IL3RA: variants seen among roughly 807,000 people sequenced by gnomAD.
IL3RA encodes the protein interleukin 3 receptor subunit alpha.
Under a neutral mutation model 52.3 loss-of-function variants are expected in IL3RA, and 73 were observed. The ratio of observed to expected loss-of-function variants is 1.40; its 90% CI spans 1.16 to 1.70. IL3RA has a LOEUF of 1.70. Among genes scored for constraint, IL3RA ranks in the 40% most tolerant of loss-of-function variants. The pLI is 0.00. For synonymous variants in IL3RA, 260 were observed against 194.0 expected (o/e 1.34, Z -2.83); for missense variants, 664 against 504.4 (o/e 1.32, Z -3.03).
chrX:1,345,909 A>T (rs2085721540), intron 3 of IL3RA, among the ~76,000 whole-genome samples: 1 of 151,904 alleles, frequency 6.6e-6, no homozygotes, highest in South Asian at 2.1e-4. Flanking sequence ...CAGGTGTGGG[A>T]TTTGAAGTGA....
intron 1 of IL3RA, among the ~76,000 whole-genome samples, chrX:1,337,488 C>G (rs1289015787): frequency 6.6e-6 from 1 of 152,142 alleles, no homozygotes; most frequent in Non-Finnish European, 1.5e-5. Flanking sequence ...TCACAGTAGC[C>G]AAGAGGTGGA....
chrX:1,351,389 C>G (rs112075911), intron 4 of IL3RA, among the ~76,000 whole-genome samples: 1 of 151,932 alleles, frequency 6.6e-6, no homozygotes, highest in East Asian at 1.9e-4. Context: ...AGTGCAGTGA[C>G]GTGGCCTGGG....
At position 1,382,591 on chromosome X, in the gene IL3RA, T is replaced by G; in HGVS notation, c.*126T>G. The G allele has an allele frequency of 1.2e-6, 1 of 829,404 alleles. No homozygotes were observed. Among genetic ancestry groups the G allele is most frequent in the Non-Finnish European group, 2.1e-6 (1 of 477,998 alleles). 51.4% of individuals were successfully genotyped at this position (829,404 alleles called of 1,614,324 possible). On this transcript the variant is annotated 3_prime_UTR_variant, in exon 12 of 12. Coordinates refer to ENST00000331035, the MANE Select transcript of IL3RA (RefSeq NM_002183.4). ...GGACATTCCTAACGGGTGGTGGGCATGGGAGATGCCTGTGTAATTTCGTCC... is the reference window on the plus strand; with the variant it reads ...GGACATTCCTAACGGGTGGTGGGCAGGGGAGATGCCTGTGTAATTTCGTCC...
chrX:1,352,068 A>T lies in IL3RA; in HGVS notation c.299-32A>T, dbSNP rs1358018600. The T allele has an allele frequency of 1.1e-5, 17 of 1,610,892 alleles. No individual in the cohort carries two copies. In the African/African-American group the frequency reaches 1.9e-4, roughly 18 times the overall value. ...GCGTGAGCCACCGCGCCCGGTCCCG[A>T]TTCGAGTTCTCTTTCATGTTTGTGA... On this transcript the variant is annotated intron_variant, in intron 4 of 11. Coordinates refer to ENST00000331035, the MANE Select transcript of IL3RA (RefSeq NM_002183.4).
rs746423996 is a variant in IL3RA at position 1,379,389 on chromosome X, C to A, written c.980+625C>A. Among the ~76,000 whole-genome samples the A allele has an allele frequency of 8.5e-5, 13 of 152,314 alleles. No homozygotes were observed. In the South Asian group the frequency reaches 2.7e-3, roughly 32 times the overall value. Reference sequence around the variant, plus strand: ...CACACTGGTGTTGAACTCCTGGCCTCAAGTGATCCCCCAGCCTCGGCCTCC... The same window carrying A: ...CACACTGGTGTTGAACTCCTGGCCTAAAGTGATCCCCCAGCCTCGGCCTCC... On this transcript the variant is annotated intron_variant, in intron 10 of 11. Coordinates refer to ENST00000331035, the MANE Select transcript of IL3RA (RefSeq NM_002183.4).
At chrX:1,340,064 C>T (rs28654545) in intron 1 of IL3RA, among the ~76,000 whole-genome samples, 4,139 of 151,514 alleles carry the variant, frequency 0.027, 87 homozygotes, top group East Asian at 0.06. Context: ...GGATACAGCT[C>T]GAGCCAAGAA....
At chrX:1,360,177 T>C (rs1230469155) in intron 8 of IL3RA, among the ~76,000 whole-genome samples, 5 of 136,424 alleles carry the variant, frequency 3.7e-5, no homozygotes, top group Admixed American at 7.3e-5. Context: ...CCCTCCATCT[T>C]TCTCTCTCTC....
At chrX:1,352,060 CG>C in intron 4 of IL3RA, 39 bp from the exon 5 acceptor site, 1 of 1,607,674 alleles carries the variant, frequency 6.2e-7, no homozygotes, top group South Asian at 1.1e-5. Context: ...CCACCGCGCC[CG>C]GTCCCGATTC....
In IL3RA at chrX:1,382,563, A is replaced by C. The variant is rs1370565394; in HGVS notation, c.*98A>C. 1 of 1,122,144 alleles carries C rather than the reference A, an allele frequency of 8.9e-7. No individual in the cohort carries two copies. The highest frequency in any genetic ancestry group is 1.4e-6 in the Non-Finnish European group (1 of 733,310). The allele number at this position is 1,122,144 out of a possible 1,614,324, so 69.5% of individuals were successfully genotyped here. A position where few individuals can be genotyped will look rare whatever the true frequency, so the allele number is the denominator to read the frequency against. On this transcript the variant is annotated 3_prime_UTR_variant, in exon 12 of 12. Transcript: ENST00000331035. ...GCTGGACCTGCGCACGCAGCCCAGG[A>C]ATGGACATTCCTAACGGGTGGTGGG...
rs746535994 is a variant in IL3RA, at chrX:1,348,432, C to T, written c.185C>T (p.Ala62Val). ...CVKDADYSMP[A>V]VNNSYCQFGA... ...ATCATAGTCCTATGTCTCTCTTAGGCAGTGAACAATAGCTATTGCCAGTTT... is the reference window on the plus strand; with the variant it reads ...ATCATAGTCCTATGTCTCTCTTAGGTAGTGAACAATAGCTATTGCCAGTTT... Residue 62 changes from alanine to valine, a missense_variant and splice_region_variant, in exon 4 of 12, where the codon GCA becomes GTA. Transcript: ENST00000331035. 1.2e-6 allele frequency: 2 copies of T among 1,607,824 alleles called. No homozygotes were observed.
chrX:1,352,518 G>A lies in IL3RA; in HGVS notation c.616+12G>A, dbSNP rs762137597. The A allele has an allele frequency of 1.7e-5, 28 of 1,610,700 alleles. No homozygotes were observed. The highest frequency in any genetic ancestry group is 6.7e-5 in the East Asian group (3 of 44,852). ...CTTTTCACAGATTGGTGAGTAGCCC[G>A]GGACACTCCCTCCCACCCTCAGTTC... is the stretch of plus-strand genomic sequence containing the variant. On this transcript the variant is annotated intron_variant, in intron 6 of 11. Coordinates refer to ENST00000331035, the MANE Select transcript of IL3RA (RefSeq NM_002183.4).
At chrX:1,370,154 G>A (rs1478030608) in intron 9 of IL3RA, among the ~76,000 whole-genome samples, 11 of 29,766 alleles carry the variant, frequency 3.7e-4, no homozygotes, top group Non-Finnish European at 5.7e-4. Flanking sequence ...AGGGGCCTCA[G>A]GAGGAACCAG....
Position 1,382,403 on chromosome X carries a change from G to T in IL3RA, c.1075G>T (p.Ala359Ser). ...CTCGTCTCTGCAGGTGGTCTGGGAG[G>T]CGGGCAAAGCCGGCCTGGAGGAGTG... ...FQNDKLVVWE[A>S]GKAGLEECLV... Residue 359 changes from alanine to serine, a missense_variant, in exon 12 of 12, where the codon GCG (alanine) becomes TCG (serine). Transcript: ENST00000331035. 1 of 1,613,782 alleles carries T rather than the reference G, an allele frequency of 6.2e-7. No individual in the cohort carries two copies. Among genetic ancestry groups the T allele is most frequent in the Non-Finnish European group, 8.5e-7 (1 of 1,179,748 alleles).
chrX:1,363,501 T>G (rs1207191458), intron 8 of IL3RA, among the ~76,000 whole-genome samples: 1 of 150,130 alleles, frequency 6.7e-6, no homozygotes, highest in Admixed American at 6.6e-5. Context: ...GGGGTTTCAC[T>G]GTGGTCTCGA....
rs757593099 is a variant in IL3RA, at chrX:1,341,565, C to T, written c.-38-163C>T. The stretch of plus-strand genomic sequence containing the variant: ...TCTGATGTGCATGCATGTGCAAAGG[C>T]GCATTTGCACACAGACACATATGCA... On this transcript the variant is annotated intron_variant, in intron 1 of 11. Transcript: ENST00000331035. Among the ~76,000 whole-genome samples the T allele has an allele frequency of 1.4e-4, 21 of 152,216 alleles. 1 individual carries two copies. The East Asian group carries it at 1.9e-3, about 14-fold the overall frequency.
At chrX:1,381,563 G>A (rs1343461201) in intron 11 of IL3RA, among the ~76,000 whole-genome samples, 2 of 149,106 alleles carry the variant, frequency 1.3e-5, no homozygotes, top group Non-Finnish European at 3.0e-5. Context: ...TTTAGATGGA[G>A]TTTTGCTCTT....
chrX:1,382,343 G>T, intron 11 of IL3RA, 48 bp from the exon 12 acceptor site: 2 of 1,382,014 alleles, frequency 1.4e-6, no homozygotes, highest in Non-Finnish European at 2.0e-6. Flanking sequence ...CGTGGGCTCT[G>T]TTATCTGGGG....
At position 1,352,480 on chromosome X, in the gene IL3RA, A is replaced by G. The variant is rs780832514; in HGVS notation, c.590A>G (p.Asp197Gly). The G allele has an allele frequency of 3.6e-5, 58 of 1,613,560 alleles. No homozygotes were observed. The highest frequency in any genetic ancestry group is 8.3e-5 in the Admixed American group (5 of 59,966). ...GCAGCCTTCGGTATCCCCTGCACAG[A>G]TAAGTTTGTCGTCTTTTCACAGATT... Reference protein sequence around the residue: ...RSAAFGIPCTDKFVVFSQIEI... With the variant: ...RSAAFGIPCTGKFVVFSQIEI... Residue 197 changes from aspartate (D) to glycine (G), a missense_variant, in exon 6 of 12, where the codon GAT becomes GGT. Asp to Gly is a moderately conservative substitution (Grantham distance 94, BLOSUM62 -1). Coordinates refer to ENST00000331035, the MANE Select transcript of IL3RA (RefSeq NM_002183.4).
At chrX:1,365,310 AGCGGGGTGCGCGGGGTGAGCGGGGTGC>A (rs1569526170) in intron 9 of IL3RA, 58 bp downstream of exon 9, 9 of 822,414 alleles carry the variant, frequency 1.1e-5, no homozygotes, top group Admixed American at 7.5e-5. Flanking sequence ...GCGCGGGGTG[AGCGGGGTGCGCGGGGTGAGCGGGGTGC>A]GCGGGGTGAG....
Sources: allele counts gnomAD v4.1 joint callset (sites outside exome capture counted in the v4.1 genomes callset), GRCh38; gene constraint gnomAD v4.1.1; transcripts MANE v1.5; gene names NCBI Gene and HGNC (gene_info 2026-07-23, HGNC 2026-07-21).